CATSPERB: variants seen among roughly 807,000 people sequenced by gnomAD.
CATSPERB encodes the protein catsper channel auxiliary subunit beta, also known as cation channel sperm-associated auxiliary subunit beta.
Under a neutral mutation model 128.3 loss-of-function variants are expected in CATSPERB, and 93 were observed. The ratio of observed to expected loss-of-function variants is 0.72; its 90% CI spans 0.61 to 0.86. CATSPERB has a LOEUF of 0.86. CATSPERB is among the 40% of genes least tolerant of loss of function. The pLI is 0.00. For missense variants in CATSPERB, 1,153 were observed against 1,329.5 expected (o/e 0.87, Z 2.06); for synonymous variants, 381 against 448.8 (o/e 0.85, Z 1.91).
rs139867176 is a variant in CATSPERB, at chr14:91,621,852, T to G, written c.2016A>C (p.Leu672Phe). 12 of 1,613,844 alleles carry G rather than the reference T, an allele frequency of 7.4e-6. No individual in the cohort carries two copies. The highest frequency in any genetic ancestry group is 1.0e-5 in the Non-Finnish European group (12 of 1,179,828). The change falls in exon 19 of 27, where the codon TTA becomes TTC. Residue 672 changes from leucine to phenylalanine, a missense_variant. Transcript: ENST00000256343. ...GYSSFLITSI[L>F]DNKNALAIAT... The stretch of plus-strand genomic sequence containing the variant: ...CAATGGCTAATGCATTCTTATTATC[T>G]AAAATGCTTGTGATGAGGAAGCTGC...
rs1158798480 is a variant in CATSPERB at position 91,624,974 on chromosome 14, C to T, written c.1776G>A (p.Leu592=). ...AAAATCCTTTAGGAGTCGTATGTTG[C>T]AATACCTTTCTTATGTAAGCTCTTC... ...KTGRAYIRKV[L]QHTTPKGFLS... is the part of the protein sequence containing the mutation. The change falls in exon 18 of 27, where the codon TTG becomes TTA. Residue 592 remains leucine, a synonymous_variant. Coordinates refer to ENST00000256343, the MANE Select transcript of CATSPERB (RefSeq NM_024764.4). 2 of 1,599,508 alleles carry T rather than the reference C, an allele frequency of 1.3e-6. No homozygotes were observed. Among genetic ancestry groups the T allele is most frequent in the Middle Eastern group, 1.7e-4 (1 of 5,814 alleles).
intron 11 of CATSPERB, among the ~76,000 whole-genome samples, chr14:91,683,298 C>G (rs1267553101): frequency 1.3e-5 from 2 of 152,172 alleles, no homozygotes; most frequent in Non-Finnish European, 2.9e-5. Context: ...TAACTATGGC[C>G]CTTCTCAGCG....
At chr14:91,667,299 T>C (rs781427954) in intron 14 of CATSPERB, among the ~76,000 whole-genome samples, 8 of 151,466 alleles carry the variant, frequency 5.3e-5, no homozygotes, top group Non-Finnish European at 1.0e-4. Flanking sequence ...GCGGAAGCCA[T>C]CAAAAAGGGG....
intron 15 of CATSPERB, among the ~76,000 whole-genome samples, chr14:91,641,328 T>C (rs1894495807): frequency 1.4e-5 from 2 of 148,000 alleles, no homozygotes; most frequent in African/African-American, 5.0e-5. Context: ...ATGTCCTGAA[T>C]GGTAATGCCT....
intron 14 of CATSPERB, among the ~76,000 whole-genome samples, chr14:91,667,297 C>T (rs183896694): frequency 3.9e-5 from 6 of 151,996 alleles, no homozygotes; most frequent in Admixed American, 2.0e-4. Context: ...CTGCGGAAGC[C>T]ATCAAAAAGG....
At chr14:91,699,735 T>C (rs749305443) in intron 7 of CATSPERB, among the ~76,000 whole-genome samples, 2 of 151,650 alleles carry the variant, frequency 1.3e-5, no homozygotes, top group African/African-American at 2.4e-5. Flanking sequence ...TACCACGCCC[T>C]ACTAATTTTT....
At chr14:91,710,632 T>C (rs1356842127) in intron 5 of CATSPERB, 3 of 152,234 alleles carry the variant, frequency 2.0e-5, no homozygotes, top group Admixed American at 2.0e-4. Flanking sequence ...AGGTCAGTAC[T>C]GATAGAACTT....
intron 20 of CATSPERB, among the ~76,000 whole-genome samples, chr14:91,612,980 G>A (rs942564675): frequency 1.3e-5 from 2 of 152,074 alleles, no homozygotes; most frequent in Non-Finnish European, 2.9e-5. Flanking sequence ...TATACTGTGT[G>A]AATCTTGTTT....
At position 91,587,235 on chromosome 14, in the gene CATSPERB, T is replaced by A. The variant is rs1385864625; in HGVS notation, c.3099A>T (p.Gly1033=). ...LFHFRVTVIS[G]VTFCNLIEEF... ...CTTCAATTAAGTTACAAAAAGTTAC[T>A]CCTGAAATGACGGTCACTCTAAAGT... The change falls in exon 26 of 27, where the codon GGA becomes GGT. Residue 1033 remains glycine, a synonymous_variant. Coordinates refer to ENST00000256343, the MANE Select transcript of CATSPERB (RefSeq NM_024764.4). The A allele has an allele frequency of 6.2e-7, 1 of 1,606,344 alleles. No individual in the cohort carries two copies. Among genetic ancestry groups the A allele is most frequent in the South Asian group, 1.1e-5 (1 of 89,532 alleles).
intron 2 of CATSPERB, among the ~76,000 whole-genome samples, chr14:91,725,450 A>T (rs1468043788): frequency 7.2e-5 from 11 of 152,216 alleles, no homozygotes; most frequent in African/African-American, 2.7e-4. Flanking sequence ...AGTTCTTGAC[A>T]CTTCAACGCC....
intron 15 of CATSPERB, among the ~76,000 whole-genome samples, chr14:91,640,415 C>A (rs1264142939): frequency 2.0e-5 from 2 of 100,474 alleles, no homozygotes; most frequent in Non-Finnish European, 1.9e-5. Flanking sequence ...CCACCACAGT[C>A]CCCAGAGTGT....
At chr14:91,590,769 G>C (rs1380538504) in intron 23 of CATSPERB, among the ~76,000 whole-genome samples, 1 of 151,290 alleles carries the variant, frequency 6.6e-6, no homozygotes, top group Non-Finnish European at 1.5e-5. Flanking sequence ...TCCTGCCTTA[G>C]CCTCCCCAGT....
intron 20 of CATSPERB, among the ~76,000 whole-genome samples, chr14:91,611,833 C>T (rs1893833745): frequency 6.6e-6 from 1 of 152,092 alleles, no homozygotes; most frequent in African/African-American, 2.4e-5. Flanking sequence ...TGTCTTACAA[C>T]AACACATTGT....
chr14:91,584,315 C>T (rs61991978), intron 26 of CATSPERB, among the ~76,000 whole-genome samples: 19,539 of 152,082 alleles, frequency 0.13, 1,402 homozygotes, highest in Non-Finnish European at 0.17. Context: ...GTGATCTACC[C>T]ATGTCGGCCT....
intron 20 of CATSPERB, among the ~76,000 whole-genome samples, chr14:91,615,870 A>T (rs1893925950): frequency 7.1e-6 from 1 of 141,594 alleles, no homozygotes; most frequent in South Asian, 2.3e-4. Flanking sequence ...TTTGAGGATC[A>T]TACATACAGT....
intron 14 of CATSPERB, among the ~76,000 whole-genome samples, chr14:91,661,577 G>T (rs897112574): frequency 1.4e-5 from 2 of 141,948 alleles, no homozygotes. Flanking sequence ...CTGTCACCCA[G>T]GCTGCAGTGC....
chr14:91,691,660 G>T, intron 9 of CATSPERB, 105 bp from the exon 10 acceptor site: 1 of 821,046 alleles, frequency 1.2e-6, no homozygotes, highest in South Asian at 2.2e-5. Context: ...TAAATTCGTT[G>T]AAACAAAATT....
chr14:91,582,962 C>A (rs1163815712), intron 26 of CATSPERB, among the ~76,000 whole-genome samples: 1 of 152,190 alleles, frequency 6.6e-6, no homozygotes, highest in Non-Finnish European at 1.5e-5. Context: ...GAGCAAGGCC[C>A]AGGTGGAGGA....
intron 15 of CATSPERB, among the ~76,000 whole-genome samples, chr14:91,648,736 T>C (rs970369872): frequency 4.6e-5 from 7 of 152,218 alleles, no homozygotes; most frequent in African/African-American, 1.7e-4. Context: ...CCAGTGTGTT[T>C]CACATACTTG....
Sources: gnomAD v4.1 joint callset for allele counts (sites outside exome capture counted in the v4.1 genomes callset) on GRCh38, gnomAD v4.1.1 for gene constraint, MANE v1.5 for transcripts, NCBI Gene and HGNC (gene_info 2026-07-23, HGNC 2026-07-21) for gene names.